Variants in HEATR5A observed in about 807,000 individuals in gnomAD.
HEATR5A encodes HEAT repeat-containing protein 5A.
In HEATR5A, 178 loss-of-function variants were observed where a neutral mutation model predicts 218.8. The observed-to-expected ratio is 0.81, with a 90% CI of 0.72 to 0.92. HEATR5A has a LOEUF of 0.92. Ranked by LOEUF, HEATR5A falls within the 40% of genes least tolerant of loss-of-function variation. The pLI, the probability that HEATR5A is intolerant of heterozygous loss-of-function variation, is 0.00. For synonymous variants in HEATR5A, 864 were observed against 871.6 expected (o/e 0.99, Z 0.15); for missense variants, 2,420 against 2,418.9 (o/e 1.00, Z -0.01).
chr14:31,401,561 G>C (rs1387456234), intron 2 of HEATR5A, among the ~76,000 whole-genome samples: 2 of 152,186 alleles, frequency 1.3e-5, no homozygotes, highest in Non-Finnish European at 2.9e-5. Flanking sequence ...GCCTGGGGTA[G>C]AGTGCAATGG....
At chr14:31,337,888 T>C (rs572573229) in intron 21 of HEATR5A, among the ~76,000 whole-genome samples, 12 of 152,320 alleles carry the variant, frequency 7.9e-5, no homozygotes, top group African/African-American at 2.4e-4. Flanking sequence ...GCAGAATTTA[T>C]ATGAGTAAAT....
chr14:31,295,256 T>C (rs1899142582), intron 34 of HEATR5A, among the ~76,000 whole-genome samples: 1 of 151,838 alleles, frequency 6.6e-6, no homozygotes, highest in African/African-American at 2.4e-5. Flanking sequence ...TGCTGGAGTC[T>C]TTTTTTTGAG....
intron 7 of HEATR5A, 93 bp downstream of exon 7, chr14:31,388,752 C>A: frequency 1.0e-6 from 1 of 955,876 alleles, no homozygotes; most frequent in South Asian, 1.5e-5. Flanking sequence ...TAAGTGTTGA[C>A]CTTGCATAGT....
intron 16 of HEATR5A, among the ~76,000 whole-genome samples, chr14:31,355,203 CAGG>C (rs4011658): frequency 0.84 from 128,004 of 151,872 alleles, 54,866 homozygotes; most frequent in Non-Finnish European, 0.93. Context: ...CACCTGAGGT[CAGG>C]AGTTCAAGAA....
chr14:31,371,743 A>T, intron 13 of HEATR5A, 67 bp downstream of exon 13: 2 of 646,148 alleles, frequency 3.1e-6, no homozygotes, highest in Non-Finnish European at 4.9e-6. Flanking sequence ...AATTTGCCTT[A>T]TTAATGTACT....
At position 31,306,736 on chromosome 14, in the gene HEATR5A, T is replaced by C; in HGVS notation, c.4962A>G (p.Ala1654=). Reference sequence around the variant, plus strand: ...GCATTAAAGGTTAACATTTACCTTCTGCACTTCGTCTTTTTTCCTTCACAT... The same window carrying C: ...GCATTAAAGGTTAACATTTACCTTCCGCACTTCGTCTTTTTTCCTTCACAT... ...QEHVKEKRRS[A]EVDDGAAEKE... is the part of the protein sequence containing the mutation. Residue 1654 remains alanine, a synonymous_variant, in exon 31 of 36, where the codon GCA becomes GCG. Transcript: ENST00000543095. 1.2e-6 allele frequency: 2 copies of C among 1,609,084 alleles called. No individual in the cohort carries two copies. Among genetic ancestry groups the C allele is most frequent in the Non-Finnish European group, 1.7e-6 (2 of 1,177,156 alleles).
chr14:31,399,720 C>T (rs1010599680), intron 3 of HEATR5A, among the ~76,000 whole-genome samples: 1 of 152,138 alleles, frequency 6.6e-6, no homozygotes, highest in African/African-American at 2.4e-5. Flanking sequence ...GTCCCAGCTA[C>T]TTGGGAGGCT....
intron 11 of HEATR5A, among the ~76,000 whole-genome samples, chr14:31,376,610 T>C (rs1902237343): frequency 6.6e-6 from 1 of 152,218 alleles, no homozygotes; most frequent in Admixed American, 6.5e-5. Context: ...AATCTGGAGA[T>C]AAATCCAAGT....
chr14:31,373,422 G>A (rs990856215), intron 12 of HEATR5A, among the ~76,000 whole-genome samples: 7 of 150,986 alleles, frequency 4.6e-5, no homozygotes, highest in African/African-American at 1.7e-4. Flanking sequence ...TCTGCCTCTC[G>A]GGTTCAAACG....
chr14:31,395,094 T>C (rs7142126), intron 5 of HEATR5A, 105 bp downstream of exon 5: 675,099 of 697,294 alleles, frequency 0.97, 328,233 homozygotes, highest in Non-Finnish European at 1. Context: ...GAGATAGTCC[T>C]AGCTGACTAC....
At chr14:31,316,051 C>T (rs193160686) in intron 26 of HEATR5A, 102 bp from the exon 27 acceptor site, 28 of 864,436 alleles carry the variant, frequency 3.2e-5, no homozygotes, top group East Asian at 1.9e-4. Context: ...TGGGAGGTGA[C>T]GCAGGCAGAT....
intron 13 of HEATR5A, among the ~76,000 whole-genome samples, chr14:31,369,701 G>C (rs750411315): frequency 2.6e-5 from 4 of 151,382 alleles, no homozygotes; most frequent in Non-Finnish European, 4.4e-5. Context: ...GCCGAGGTGG[G>C]TTTATCACCT....
At chr14:31,396,350 G>GGGAGGCAGAGGGTACAATC in intron 4 of HEATR5A, among the ~76,000 whole-genome samples, 1 of 151,938 alleles carries the variant, frequency 6.6e-6, no homozygotes, top group Non-Finnish European at 1.5e-5. Flanking sequence ...AGGGTGCAGT[G>GGGAGGCAGAGGGTACAATC]GGAGGCAGAG....
intron 16 of HEATR5A, among the ~76,000 whole-genome samples, chr14:31,357,532 C>T (rs776838963): frequency 1.3e-5 from 2 of 152,122 alleles, no homozygotes; most frequent in Non-Finnish European, 2.9e-5. Context: ...CTTCCCATTT[C>T]GTTTTTCAGA....
At chr14:31,377,578 C>G (rs1399853791) in intron 11 of HEATR5A, among the ~76,000 whole-genome samples, 1 of 151,852 alleles carries the variant, frequency 6.6e-6, no homozygotes, top group Non-Finnish European at 1.5e-5. Context: ...CTGCTTGAGT[C>G]CAGGAGTTTA....
chr14:31,334,587 T>A, intron 22 of HEATR5A: 1 of 358,708 alleles, frequency 2.8e-6, no homozygotes, highest in Admixed American at 3.2e-5. Flanking sequence ...AAGCATTGCA[T>A]GTTACAGAGT....
chr14:31,330,554 C>T (rs554064309), intron 22 of HEATR5A, among the ~76,000 whole-genome samples: 7 of 152,070 alleles, frequency 4.6e-5, no homozygotes, highest in Admixed American at 6.6e-5. Context: ...TTTGGGAGGC[C>T]GAGGTGGGTG....
At chr14:31,300,167 C>T (rs564197829) in intron 33 of HEATR5A, among the ~76,000 whole-genome samples, 17 of 152,226 alleles carry the variant, frequency 1.1e-4, no homozygotes, top group African/African-American at 4.1e-4. Context: ...TTGCCATTCA[C>T]GACTCTTACA....
chr14:31,415,990 G>A lies in HEATR5A; in HGVS notation c.-75+4482C>T, dbSNP rs544121526. Among the ~76,000 whole-genome samples, 8 of 150,016 alleles carry A rather than the reference G, an allele frequency of 5.3e-5. No individual in the cohort carries two copies. In the East Asian group the frequency reaches 5.9e-4, roughly 11 times the overall value. On this transcript the variant is annotated intron_variant, in intron 1 of 35. Transcript: ENST00000543095. ...TTTTGAGACAGGATCTCAATCTGTCGCCCAGGCTGGAGTGCAGTGGCAGGA... is the reference window on the plus strand; with the variant it reads ...TTTTGAGACAGGATCTCAATCTGTCACCCAGGCTGGAGTGCAGTGGCAGGA...
Sources: allele counts gnomAD v4.1 joint callset (sites outside exome capture counted in the v4.1 genomes callset), GRCh38; gene constraint gnomAD v4.1.1; transcripts MANE v1.5; gene names NCBI Gene and HGNC (gene_info 2026-07-23, HGNC 2026-07-21).